The following RPS6KC1 variants were observed in gnomAD, a reference collection of about 807,000 sequenced individuals.
RPS6KC1 encodes the protein ribosomal protein S6 kinase C1.
Under a neutral mutation model 103.8 loss-of-function variants are expected in RPS6KC1, and 54 were observed. That is an observed-to-expected ratio of 0.52 (90% CI 0.42 to 0.65). RPS6KC1 has a LOEUF of 0.65. Among genes scored for constraint, RPS6KC1 ranks in the 30% least tolerant of loss-of-function variants. RPS6KC1 has a pLI of 0.00. For synonymous variants in RPS6KC1, 439 were observed against 438.7 expected (o/e 1.00, Z -0.01); for missense variants, 1,151 against 1,253.8 (o/e 0.92, Z 1.24).
the RPS6KC1 span, among the ~76,000 whole-genome samples, chr1:213,549,603 T>C: frequency 3.1e-4 from 42 of 136,460 alleles, 1 homozygote; most frequent in Admixed American, 1.9e-3. Context: ...TCTTCTTCTT[T>C]TTCTTTTCCT....
the RPS6KC1 span, among the ~76,000 whole-genome samples, chr1:213,724,809 G>C: frequency 6.6e-6 from 1 of 152,192 alleles, no homozygotes; most frequent in Non-Finnish European, 1.5e-5. Context: ...ACTTACATTT[G>C]TTGCTGTCTG....
At chr1:213,304,539 CTTTT>C in the RPS6KC1 span, among the ~76,000 whole-genome samples, 2 of 143,334 alleles carry the variant, frequency 1.4e-5, no homozygotes, top group Non-Finnish European at 1.5e-5. Flanking sequence ...AATTTTGCAT[CTTTT>C]TTTTTTTTTT....
chr1:213,659,179 G>A, the RPS6KC1 span, among the ~76,000 whole-genome samples: 1 of 152,010 alleles, frequency 6.6e-6, no homozygotes, highest in Non-Finnish European at 1.5e-5. Flanking sequence ...TGGCCAGGCT[G>A]GTCTCGAACT....
At chr1:213,067,281 GTC>G (rs760674884) in intron 1 of RPS6KC1, among the ~76,000 whole-genome samples, 8 of 152,204 alleles carry the variant, frequency 5.3e-5, no homozygotes, top group Admixed American at 2.0e-4. Flanking sequence ...ACTAAGACCT[GTC>G]TCAGATATTC....
the RPS6KC1 span, among the ~76,000 whole-genome samples, chr1:213,656,699 C>T: frequency 6.6e-6 from 1 of 152,222 alleles, no homozygotes; most frequent in Non-Finnish European, 1.5e-5. Context: ...TTATGCACTC[C>T]ACTTCACTGA....
intron 3 of RPS6KC1, among the ~76,000 whole-genome samples, chr1:213,085,177 G>C (rs1216238417): frequency 6.6e-6 from 1 of 152,160 alleles, no homozygotes; most frequent in African/African-American, 2.4e-5. Flanking sequence ...TTTCGTAGCT[G>C]CCTATGTTCC....
At chr1:213,494,378 ACAATT>A in the RPS6KC1 span, among the ~76,000 whole-genome samples, 14 of 152,246 alleles carry the variant, frequency 9.2e-5, no homozygotes, top group African/African-American at 3.4e-4. Context: ...TCAAAAAAGA[ACAATT>A]CAACATGAAT....
the RPS6KC1 span, among the ~76,000 whole-genome samples, chr1:213,674,964 T>C: frequency 6.6e-6 from 1 of 152,182 alleles, no homozygotes; most frequent in African/African-American, 2.4e-5. Flanking sequence ...TCGTGTCCTT[T>C]GCCCATTTTT....
chr1:213,120,952 G>GT (rs2084311018), intron 5 of RPS6KC1, among the ~76,000 whole-genome samples: 1 of 152,070 alleles, frequency 6.6e-6, no homozygotes, highest in Non-Finnish European at 1.5e-5. Context: ...GACGATCTGG[G>GT]TGTCTGTTTA....
the RPS6KC1 span, among the ~76,000 whole-genome samples, chr1:213,740,035 G>T: frequency 6.6e-6 from 1 of 152,040 alleles, no homozygotes; most frequent in African/African-American, 2.4e-5. Flanking sequence ...CTAGAAATGA[G>T]GGTAATTAAT....
chr1:213,861,994 C>A, the RPS6KC1 span, among the ~76,000 whole-genome samples: 1 of 152,138 alleles, frequency 6.6e-6, no homozygotes, highest in Admixed American at 6.5e-5. Flanking sequence ...TCAAAAGAGG[C>A]TGCTCCTCAA....
chr1:213,625,127 C>T, the RPS6KC1 span, among the ~76,000 whole-genome samples: 4 of 152,002 alleles, frequency 2.6e-5, no homozygotes, highest in South Asian at 2.1e-4. Context: ...GCCTTGGCCT[C>T]CCAAAGTGCT....
the RPS6KC1 span, among the ~76,000 whole-genome samples, chr1:213,608,347 C>A: frequency 6.6e-6 from 1 of 152,170 alleles, no homozygotes; most frequent in African/African-American, 2.4e-5. Flanking sequence ...CCGTGTTGCT[C>A]CCCTGTGGAA....
chr1:213,133,621 A>G (rs1238979489), intron 6 of RPS6KC1, among the ~76,000 whole-genome samples: 1 of 152,160 alleles, frequency 6.6e-6, no homozygotes, highest in African/African-American at 2.4e-5. Context: ...GGGCTACATC[A>G]TGAATTACAG....
intron 12 of RPS6KC1, among the ~76,000 whole-genome samples, chr1:213,252,838 CT>C (rs150560574): frequency 6.6e-6 from 1 of 152,230 alleles, no homozygotes; most frequent in East Asian, 1.9e-4. Flanking sequence ...GCCTATCATT[CT>C]GCTATTTGGA....
intron 14 of RPS6KC1, among the ~76,000 whole-genome samples, chr1:213,267,146 G>T (rs1573722028): frequency 6.6e-6 from 1 of 151,808 alleles, no homozygotes; most frequent in East Asian, 1.9e-4. Flanking sequence ...GTGGTTTTGT[G>T]GCCTAAACTT....
the RPS6KC1 span, among the ~76,000 whole-genome samples, chr1:213,639,242 G>C: frequency 6.6e-6 from 1 of 152,054 alleles, no homozygotes; most frequent in Non-Finnish European, 1.5e-5. Flanking sequence ...GTTTTTGGTA[G>C]AGCCCTGAGA....
At chr1:213,340,503 CAGTT>C in the RPS6KC1 span, among the ~76,000 whole-genome samples, 2 of 152,160 alleles carry the variant, frequency 1.3e-5, no homozygotes, top group African/African-American at 4.8e-5. Context: ...ATATTTGAGA[CAGTT>C]AATTAGGGAG....
At chr1:213,358,833 C>T in the RPS6KC1 span, among the ~76,000 whole-genome samples, 1 of 152,274 alleles carries the variant, frequency 6.6e-6, no homozygotes, top group East Asian at 1.9e-4. Context: ...CATTCAGGAG[C>T]AGGTTGTTCA....
Sources: gnomAD v4.1 joint callset for allele counts (sites outside exome capture counted in the v4.1 genomes callset) on GRCh38, gnomAD v4.1.1 for gene constraint, MANE v1.5 for transcripts, NCBI Gene and HGNC (gene_info 2026-07-23, HGNC 2026-07-21) for gene names.